The following MTUS2 variants were observed in gnomAD, a reference collection of about 807,000 sequenced individuals.
The protein encoded by MTUS2 is microtubule-associated tumor suppressor candidate 2.
In MTUS2, 40 loss-of-function variants were observed where a neutral mutation model predicts 114.1. The ratio of observed to expected loss-of-function variants is 0.35; its 90% CI spans 0.27 to 0.46. MTUS2 has a LOEUF of 0.46. MTUS2 is among the 20% of genes least tolerant of loss of function. The pLI is 1.00. For synonymous variants in MTUS2, 688 were observed against 672.0 expected, an observed-to-expected ratio of 1.02 and a Z score of -0.37; for missense variants, 1,679 against 1,705.4, an observed-to-expected ratio of 0.98 and a Z score of 0.27.
chr13:29,130,857 C>T (rs887279267), intron 5 of MTUS2, among the ~76,000 whole-genome samples: 10 of 152,128 alleles, frequency 6.6e-5, no homozygotes, highest in Non-Finnish European at 1.2e-4. Context: ...ATCTTTTGAC[C>T]GCGTGATCCG....
At chr13:29,157,435 A>G (rs375072562) in intron 5 of MTUS2, among the ~76,000 whole-genome samples, 4 of 152,204 alleles carry the variant, frequency 2.6e-5, no homozygotes, top group African/African-American at 4.8e-5. Context: ...TCATGGGTCT[A>G]TGAATAAATA....
chr13:28,907,953 G>T (rs1289245900), intron 2 of MTUS2, among the ~76,000 whole-genome samples: 1 of 151,218 alleles, frequency 6.6e-6, no homozygotes, highest in Non-Finnish European at 1.5e-5. Context: ...GTTTCCCTGT[G>T]GGCCGTCTGT....
At chr13:29,031,087 AG>A (rs1886791791) in intron 3 of MTUS2, among the ~76,000 whole-genome samples, 2 of 152,140 alleles carry the variant, frequency 1.3e-5, no homozygotes, top group South Asian at 4.2e-4. Flanking sequence ...GTGGGAAGAA[AG>A]GGGCTTGGCT....
chr13:29,420,927 AAG>A (rs1314268270), intron 8 of MTUS2, among the ~76,000 whole-genome samples: 1 of 152,248 alleles, frequency 6.6e-6, no homozygotes, highest in African/African-American at 2.4e-5. Flanking sequence ...CAGGGAAAAA[AAG>A]ATTATCTTAC....
intron 5 of MTUS2, among the ~76,000 whole-genome samples, chr13:29,181,696 T>C (rs1032356914): frequency 6.6e-6 from 1 of 152,188 alleles, no homozygotes; most frequent in Non-Finnish European, 1.5e-5. Context: ...TGAGTGATTT[T>C]AATAGGTTTT....
intron 2 of MTUS2, among the ~76,000 whole-genome samples, chr13:28,917,763 G>T: frequency 6.6e-6 from 1 of 151,556 alleles, no homozygotes; most frequent in Non-Finnish European, 1.5e-5. Flanking sequence ...TACTAATTTT[G>T]GGTTTGGCTT....
chr13:28,849,278 A>G (rs997221727), intron 2 of MTUS2, among the ~76,000 whole-genome samples: 7 of 152,218 alleles, frequency 4.6e-5, no homozygotes, highest in Non-Finnish European at 8.8e-5. Context: ...AGTTATTTCA[A>G]AGATTCAAAG....
intron 4 of MTUS2, among the ~76,000 whole-genome samples, chr13:29,040,162 C>G: frequency 6.6e-6 from 1 of 152,186 alleles, no homozygotes; most frequent in Middle Eastern, 3.2e-3. Context: ...TTGTATCATT[C>G]TTATGCCTTT....
chr13:29,469,340 A>G (rs1880103575), intron 9 of MTUS2, among the ~76,000 whole-genome samples: 1 of 152,164 alleles, frequency 6.6e-6, no homozygotes, highest in South Asian at 2.1e-4. Context: ...TCTTTAAGAA[A>G]GAAGGCGGCC....
At chr13:28,965,795 C>T (rs904118740) in intron 2 of MTUS2, among the ~76,000 whole-genome samples, 1 of 152,136 alleles carries the variant, frequency 6.6e-6, no homozygotes, top group Non-Finnish European at 1.5e-5. Flanking sequence ...CCTCTGAGGA[C>T]CTCAATCTTT....
chr13:29,211,457 C>T (rs1454452473), intron 5 of MTUS2, among the ~76,000 whole-genome samples: 23 of 152,302 alleles, frequency 1.5e-4, no homozygotes, highest in African/African-American at 5.3e-4. Context: ...CAGATCACCT[C>T]CTCTCCAGAC....
intron 12 of MTUS2, 97 bp from the exon 13 acceptor site, chr13:29,497,141 C>A: frequency 9.4e-7 from 1 of 1,060,024 alleles, no homozygotes. Flanking sequence ...TGAGGATGCC[C>A]AGGGCACAGT....
chr13:29,503,582 A>G lies in MTUS2; in HGVS notation c.*376A>G, dbSNP rs1883055995. The G allele has an allele frequency of 3.3e-6, 1 of 302,132 alleles. No homozygotes were observed. Among genetic ancestry groups the G allele is most frequent in the South Asian group, 8.7e-5 (1 of 11,456 alleles). The allele number at this position is 302,132 out of a possible 1,614,324, so 18.7% of individuals were successfully genotyped here. ...TGTGTATATTTAGATATACGTATAT[A>G]CACATGCTGCGGTTCTGAATTTCAT... On this transcript the variant is annotated 3_prime_UTR_variant, in exon 16 of 16. Coordinates refer to ENST00000612955, the MANE Select transcript of MTUS2 (RefSeq NM_001033602.4).
intron 5 of MTUS2, among the ~76,000 whole-genome samples, chr13:29,120,881 A>G (rs1891280557): frequency 6.6e-6 from 1 of 152,248 alleles, no homozygotes; most frequent in Admixed American, 6.5e-5. Flanking sequence ...AAAATCATTG[A>G]TATAGCAAGA....
rs547473501 is a variant in MTUS2, at chr13:29,367,822, T to C, written c.3117+8349T>C. 3.9e-5 allele frequency among the ~76,000 whole-genome samples: 6 copies of C among 152,220 alleles called. No homozygotes were observed. In the East Asian group the frequency reaches 1.2e-3, roughly 29 times the overall value. On this transcript the variant is annotated intron_variant, in intron 8 of 15. Coordinates refer to ENST00000612955, the MANE Select transcript of MTUS2 (RefSeq NM_001033602.4). The stretch of plus-strand genomic sequence containing the variant: ...TGTTTAAAGGGGTCATGGGTTCCTT[T>C]GAAGAAATCTGCTCCGGAACTGTAC...
intron 3 of MTUS2, among the ~76,000 whole-genome samples, chr13:29,032,180 G>T (rs1388349503): frequency 2.0e-5 from 3 of 152,040 alleles, no homozygotes; most frequent in Non-Finnish European, 4.4e-5. Flanking sequence ...AGACATCAAA[G>T]GCGCAGTTTT....
intron 8 of MTUS2, among the ~76,000 whole-genome samples, chr13:29,376,102 A>T (rs1319191594): frequency 6.6e-6 from 1 of 152,166 alleles, no homozygotes; most frequent in Non-Finnish European, 1.5e-5. Context: ...TGATACCAGA[A>T]GAAAACTTAG....
chr13:28,831,242 GACGTA>G (rs1874657300), intron 1 of MTUS2, among the ~76,000 whole-genome samples: 1 of 152,060 alleles, frequency 6.6e-6, no homozygotes, highest in Non-Finnish European at 1.5e-5. Context: ...AAAGACATCA[GACGTA>G]ACACAACAAA....
intron 7 of MTUS2, among the ~76,000 whole-genome samples, chr13:29,358,496 TC>T (rs1273823772): frequency 6.6e-6 from 1 of 152,208 alleles, no homozygotes; most frequent in Non-Finnish European, 1.5e-5. Context: ...TGTGTGGACT[TC>T]CTATTCATCG....
Sources: allele counts gnomAD v4.1 joint callset (sites outside exome capture counted in the v4.1 genomes callset), GRCh38; gene constraint gnomAD v4.1.1; transcripts MANE v1.5; gene names NCBI Gene and HGNC (gene_info 2026-07-23, HGNC 2026-07-21).